Variants in CFAP251 observed in about 807,000 individuals in gnomAD.
The protein encoded by CFAP251 is cilia- and flagella-associated protein 251.
A neutral mutation model predicts 126.7 loss-of-function variants in CFAP251; 93 were observed. The observed-to-expected ratio is 0.73, with a 90% confidence interval of 0.62 to 0.87. The LOEUF is 0.87. Ranked by LOEUF, CFAP251 falls within the 40% of genes least tolerant of loss-of-function variation. CFAP251 has a pLI of 0.00. For synonymous variants in CFAP251, 503 were observed against 506.9 expected, an observed-to-expected ratio of 0.99 and a Z score of 0.10; for missense variants, 1,287 against 1,389.2, an observed-to-expected ratio of 0.93 and a Z score of 1.17.
intron 17 of CFAP251, among the ~76,000 whole-genome samples, chr12:121,973,932 A>G (rs1036807210): frequency 5.3e-5 from 8 of 152,160 alleles, no homozygotes; most frequent in Non-Finnish European, 1.0e-4. Context: ...TTGGGGGACT[A>G]TTGGGAAGGC....
chr12:121,968,208 C>A (rs1882216222), intron 17 of CFAP251, 39 bp downstream of exon 17: 1 of 1,556,656 alleles, frequency 6.4e-7, no homozygotes, highest in Middle Eastern at 1.9e-4. Flanking sequence ...CAAGTGTAAA[C>A]TCCTTTTCAC....
At position 121,923,652 on chromosome 12, in the gene CFAP251, T is replaced by A. The variant is rs751443001; in HGVS notation, c.409T>A (p.Ser137Thr). The A allele has an allele frequency of 1.2e-6, 2 of 1,611,368 alleles. No individual in the cohort carries two copies. The highest frequency in any genetic ancestry group is 1.7e-6 in the Non-Finnish European group (2 of 1,179,320). The stretch of plus-strand genomic sequence containing the variant: ...CCAAAGAGGTAGCAAGTCAAAGCTT[T>A]CCTTACAATTGGAGGATGCAGAAAC... ...KTQRGSKSKL[S>T]LQLEDAETDE... is the part of the protein sequence containing the mutation. The change falls in exon 3 of 22, where the codon TCC becomes ACC. Residue 137 changes from serine to threonine, a missense_variant. Transcript: ENST00000288912.
At chr12:121,951,558 A>T (rs187589002) in intron 9 of CFAP251, 28 bp downstream of exon 9, 1 of 1,552,896 alleles carries the variant, frequency 6.4e-7, no homozygotes, top group East Asian at 2.3e-5. Context: ...ATTTTTGTCC[A>T]TCAGATTTTG....
intron 17 of CFAP251, chr12:121,971,781 C>A: frequency 1.7e-6 from 1 of 582,276 alleles, no homozygotes; most frequent in Non-Finnish European, 3.1e-6. Flanking sequence ...TGTGTTCCTA[C>A]CCAAATCTCA....
intron 7 of CFAP251, among the ~76,000 whole-genome samples, chr12:121,943,358 T>C (rs1347777619): frequency 6.6e-6 from 1 of 152,206 alleles, no homozygotes; most frequent in African/African-American, 2.4e-5. Flanking sequence ...CAAAACCTAC[T>C]TTTTGTTTCA....
At chr12:121,959,508 G>A (rs564893897) in intron 13 of CFAP251, 2 of 160,350 alleles carry the variant, frequency 1.2e-5, no homozygotes, top group South Asian at 1.8e-4. Flanking sequence ...CCTCCGGTTT[G>A]TGTACACAAC....
chr12:121,983,035 C>G (rs1038490163), intron 19 of CFAP251, among the ~76,000 whole-genome samples: 2 of 152,168 alleles, frequency 1.3e-5, no homozygotes. Context: ...AGTTCAAGAC[C>G]AGTCTGGGCA....
At chr12:121,925,836 T>C (rs1880386539) in intron 3 of CFAP251, among the ~76,000 whole-genome samples, 1 of 152,044 alleles carries the variant, frequency 6.6e-6, no homozygotes, top group Non-Finnish European at 1.5e-5. Context: ...CAAATTACTT[T>C]AGCTTTTATT....
chr12:121,939,679 A>T (rs993039783), intron 5 of CFAP251, among the ~76,000 whole-genome samples: 1 of 152,222 alleles, frequency 6.6e-6, no homozygotes, highest in African/African-American at 2.4e-5. Context: ...ATGATATCCC[A>T]AGTGATTACT....
At chr12:121,945,250 C>G (rs2135767417) in intron 7 of CFAP251, among the ~76,000 whole-genome samples, 1 of 152,338 alleles carries the variant, frequency 6.6e-6, no homozygotes, top group South Asian at 2.1e-4. Context: ...CCGCTGGTCT[C>G]TCTGTGTTCA....
intron 21 of CFAP251, among the ~76,000 whole-genome samples, chr12:122,002,232 G>A (rs1195939277): frequency 6.6e-6 from 1 of 152,154 alleles, no homozygotes; most frequent in Non-Finnish European, 1.5e-5. Context: ...GCACACACCT[G>A]TAATCCCAGT....
intron 4 of CFAP251, 196 bp downstream of exon 4, chr12:121,932,082 A>G: frequency 2.4e-6 from 1 of 423,326 alleles, no homozygotes; most frequent in Non-Finnish European, 3.9e-6. Flanking sequence ...GAATCAACTT[A>G]CAAAACAGCA....
chr12:121,952,240 T>TAAAAAAAAAAAAAAA (rs558861973), intron 9 of CFAP251, among the ~76,000 whole-genome samples: 40 of 92,074 alleles, frequency 4.3e-4, no homozygotes, highest in African/African-American at 1.2e-3. Flanking sequence ...TCGTTTCTAC[T>TAAAAAAAAAAAAAAA]AAAAAAAAAA....
chr12:121,963,652 C>T (rs770993277), intron 15 of CFAP251, among the ~76,000 whole-genome samples: 38 of 148,612 alleles, frequency 2.6e-4, no homozygotes, highest in Non-Finnish European at 4.9e-4. Flanking sequence ...GCTTTGGCCC[C>T]TGTGAGCCCT....
chr12:121,919,143 A>ATTATTAT (rs1555215102), intron 1 of CFAP251, among the ~76,000 whole-genome samples: 7 of 146,556 alleles, frequency 4.8e-5, no homozygotes, highest in Non-Finnish European at 9.0e-5. Flanking sequence ...TATTATTATT[A>ATTATTAT]TTTTTTTTTT....
intron 21 of CFAP251, 139 bp from the exon 22 acceptor site, chr12:122,003,513 C>T (rs1883191443): frequency 1.2e-5 from 7 of 586,494 alleles, no homozygotes; most frequent in Non-Finnish European, 1.8e-5. Flanking sequence ...TTCAAGGCTG[C>T]AGTGAGCTAT....
intron 17 of CFAP251, among the ~76,000 whole-genome samples, chr12:121,972,778 G>A (rs371438125): frequency 1.5e-3 from 225 of 152,270 alleles, no homozygotes; most frequent in African/African-American, 4.8e-3. Context: ...ATGAGCTACC[G>A]CGCCTGGCCT....
chr12:121,928,627 TATATATATAC>T (rs59984439), intron 3 of CFAP251, among the ~76,000 whole-genome samples: 20,418 of 59,596 alleles, frequency 0.34, 4,489 homozygotes, highest in African/African-American at 0.64. Flanking sequence ...TGTATATGTG[TATATATATAC>T]GTATATATAT....
chr12:121,979,926 A>G (rs1276990601), intron 19 of CFAP251, among the ~76,000 whole-genome samples: 1 of 152,210 alleles, frequency 6.6e-6, no homozygotes, highest in South Asian at 2.1e-4. Flanking sequence ...TCTGGTTCAC[A>G]GAATTCCAGG....
Sources: allele counts gnomAD v4.1 joint callset (sites outside exome capture counted in the v4.1 genomes callset), GRCh38; gene constraint gnomAD v4.1.1; transcripts MANE v1.5; gene names NCBI Gene and HGNC (gene_info 2026-07-23, HGNC 2026-07-21).